The following VEGFC variants were observed in gnomAD, a reference collection of about 807,000 sequenced individuals.
VEGFC encodes the protein FLT4 ligand DHM.
In VEGFC, 12 loss-of-function variants were observed where a neutral mutation model predicts 46.1. The ratio of observed to expected loss-of-function variants is 0.26; its 90% CI spans 0.17 to 0.42. The LOEUF (loss-of-function observed/expected upper bound fraction) is 0.42, where lower values mean the gene tolerates loss of function less well. VEGFC is among the 10% of genes least tolerant of loss of function. The pLI is 1.00. For synonymous variants in VEGFC, 232 were observed against 195.5 expected (o/e 1.19, Z -1.56); for missense variants, 488 against 529.4 (o/e 0.92, Z 0.77).
At chr4:176,724,742 A>G (rs1237197897) in intron 3 of VEGFC, among the ~76,000 whole-genome samples, 1 of 152,198 alleles carries the variant, frequency 6.6e-6, no homozygotes, top group African/African-American at 2.4e-5. Flanking sequence ...CTGGAAGCAC[A>G]AGATCAAGAA....
chr4:176,727,111 C>T (rs1342381900), intron 3 of VEGFC, among the ~76,000 whole-genome samples: 1 of 152,188 alleles, frequency 6.6e-6, no homozygotes, highest in African/African-American at 2.4e-5. Context: ...AGCCAGCCTC[C>T]TCTACCACGT....
intron 1 of VEGFC, among the ~76,000 whole-genome samples, chr4:176,782,083 A>T (rs1055768107): frequency 2.0e-5 from 3 of 152,198 alleles, no homozygotes; most frequent in African/African-American, 7.2e-5. Context: ...CAAGTTCAAG[A>T]CTGTTTCTTC....
At chr4:176,789,841 C>A (rs1333289428) in intron 1 of VEGFC, among the ~76,000 whole-genome samples, 2 of 152,040 alleles carry the variant, frequency 1.3e-5, no homozygotes, top group African/African-American at 2.4e-5. Flanking sequence ...GGATGGCTAA[C>A]CTTGGTTCAT....
chr4:176,701,256 A>AAAATGT (rs1426861175), intron 4 of VEGFC, among the ~76,000 whole-genome samples: 1 of 152,228 alleles, frequency 6.6e-6, no homozygotes, highest in Non-Finnish European at 1.5e-5. Context: ...AAATGGTTAA[A>AAAATGT]AAATGTATAT....
Position 176,784,779 on chromosome 4 carries a change from A to AAAAAAG in VEGFC, c.147+7385_147+7386insCTTTTT, listed in dbSNP as rs1553998122. On this transcript the variant is annotated intron_variant, in intron 1 of 6. Transcript: ENST00000618562. ...CTCAAAAAAAAAAAAAAAAAAAAAAAGATAAAGTAACTAAATACACAAAAC... is the reference window on the plus strand; with the variant it reads ...CTCAAAAAAAAAAAAAAAAAAAAAAAAAAAAGGATAAAGTAACTAAATACACAAAAC... Among the ~76,000 whole-genome samples the AAAAAAG allele has an allele frequency of 3.5e-4, 35 of 100,266 alleles. 3 individuals are homozygous for AAAAAAG. The highest frequency in any genetic ancestry group is 1.0e-3 in the Admixed American group (7 of 6,922). 65.8% of individuals were successfully genotyped at this position (100,266 alleles called of 152,430 possible).
chr4:176,769,696 T>C (rs1018843832), intron 1 of VEGFC, among the ~76,000 whole-genome samples: 28 of 152,270 alleles, frequency 1.8e-4, no homozygotes, highest in African/African-American at 6.7e-4. Flanking sequence ...GTAGCTAACA[T>C]GAGACAATGC....
At chr4:176,760,688 T>A (rs749886057) in intron 1 of VEGFC, among the ~76,000 whole-genome samples, 9 of 152,204 alleles carry the variant, frequency 5.9e-5, no homozygotes, top group Non-Finnish European at 1.3e-4. Context: ...AAACACAGAA[T>A]GAAAGACTTA....
At chr4:176,759,287 T>C (rs536686501) in intron 1 of VEGFC, among the ~76,000 whole-genome samples, 1 of 151,976 alleles carries the variant, frequency 6.6e-6, no homozygotes, top group African/African-American at 2.4e-5. Context: ...TGTTCAACCA[T>C]AAAAAAGAAG....
chr4:176,703,890 C>T (rs1476956740), intron 4 of VEGFC, among the ~76,000 whole-genome samples: 1 of 152,088 alleles, frequency 6.6e-6, no homozygotes, highest in Non-Finnish European at 1.5e-5. Context: ...TTTACTTACC[C>T]TTTCTGATTC....
chr4:176,709,587 C>T (rs1275362196), intron 4 of VEGFC, among the ~76,000 whole-genome samples: 1 of 151,940 alleles, frequency 6.6e-6, no homozygotes, highest in African/African-American at 2.4e-5. Context: ...CAAGCCAGGG[C>T]CAGAATAGAA....
chr4:176,718,915 A>C lies in VEGFC; in HGVS notation c.553-7265T>G, dbSNP rs570072350. Among the ~76,000 whole-genome samples the C allele has an allele frequency of 1.4e-4, 22 of 152,322 alleles. No individual in the cohort carries two copies. The South Asian group carries it at 4.4e-3, about 30-fold the overall frequency. On this transcript the variant is annotated intron_variant, in intron 3 of 6. Coordinates refer to ENST00000618562, the MANE Select transcript of VEGFC (RefSeq NM_005429.5). ...AAAATTCATTTTCTACTTTTTGGTTATATCTCTTAAACATACAACTTCTCA... is the reference window on the plus strand; with the variant it reads ...AAAATTCATTTTCTACTTTTTGGTTCTATCTCTTAAACATACAACTTCTCA...
At chr4:176,687,086 T>G (rs1054945007) in intron 6 of VEGFC, 101 bp downstream of exon 6, 2 of 1,250,094 alleles carry the variant, frequency 1.6e-6, no homozygotes, top group Admixed American at 2.3e-5. Flanking sequence ...TGTATTGGCC[T>G]CATTCTAACA....
intron 1 of VEGFC, among the ~76,000 whole-genome samples, chr4:176,732,101 TAA>T (rs1369864674): frequency 1.3e-5 from 2 of 151,836 alleles, no homozygotes; most frequent in African/African-American, 4.8e-5. Flanking sequence ...GCAAACAAAT[TAA>T]AAGACAATAA....
intron 1 of VEGFC, among the ~76,000 whole-genome samples, chr4:176,750,199 G>A (rs1184055168): frequency 2.0e-5 from 3 of 151,632 alleles, no homozygotes; most frequent in Non-Finnish European, 3.0e-5. Context: ...TCCGATCTCT[G>A]AAACTAAATG....
chr4:176,707,540 C>T (rs1344409989), intron 4 of VEGFC, among the ~76,000 whole-genome samples: 7 of 151,890 alleles, frequency 4.6e-5, no homozygotes, highest in African/African-American at 4.8e-5. Flanking sequence ...GTATATCACA[C>T]GTAATAATAA....
At chr4:176,751,205 C>A (rs1735336946) in intron 1 of VEGFC, among the ~76,000 whole-genome samples, 2 of 151,200 alleles carry the variant, frequency 1.3e-5, no homozygotes, top group Non-Finnish European at 1.5e-5. Context: ...ATAGAGAGAG[C>A]CAAAAAACCA....
At chr4:176,740,049 G>A (rs1167934235) in intron 1 of VEGFC, among the ~76,000 whole-genome samples, 2 of 86,188 alleles carry the variant, frequency 2.3e-5, no homozygotes. Flanking sequence ...ATAACTATTC[G>A]ATATATAGAA....
In VEGFC at chr4:176,683,813, C is replaced by T; in HGVS notation, c.*113G>A. 3 of 829,744 alleles carry T rather than the reference C, an allele frequency of 3.6e-6. No homozygotes were observed. The East Asian group carries it at 7.4e-5, about 21-fold the overall frequency. 51.4% of individuals were successfully genotyped at this position (829,744 alleles called of 1,614,324 possible). ...ATCCACATGGTTCAGGAAAGACAGA[C>T]TTTTGTCTTTGTTAGCATGGACCCA... On this transcript the variant is annotated 3_prime_UTR_variant, in exon 7 of 7. Transcript: ENST00000618562.
At chr4:176,751,935 C>G (rs920422757) in intron 1 of VEGFC, among the ~76,000 whole-genome samples, 6 of 151,308 alleles carry the variant, frequency 4.0e-5, no homozygotes, top group African/African-American at 1.5e-4. Flanking sequence ...TTTTAGGTCT[C>G]TGTCCTCCTC....
Sources: allele counts gnomAD v4.1 joint callset (sites outside exome capture counted in the v4.1 genomes callset), GRCh38; gene constraint gnomAD v4.1.1; transcripts MANE v1.5; gene names NCBI Gene and HGNC (gene_info 2026-07-23, HGNC 2026-07-21).